The following PARP8 variants were observed in gnomAD, a reference collection of about 807,000 sequenced individuals.
The protein encoded by PARP8 is protein mono-ADP-ribosyltransferase PARP8.
Under a neutral mutation model 124.1 loss-of-function variants are expected in PARP8, and 51 were observed. That is an observed-to-expected ratio of 0.41 (90% CI 0.33 to 0.52). The LOEUF is 0.52. PARP8 is among the 20% of genes least tolerant of loss of function. PARP8 has a pLI of 0.21. For missense variants in PARP8, 860 were observed against 1,018.9 expected (o/e 0.84, Z 2.12); for synonymous variants, 391 against 361.5 (o/e 1.08, Z -0.93).
At chr5:50,807,767 G>A (rs770272178) in intron 14 of PARP8, among the ~76,000 whole-genome samples, 2 of 151,968 alleles carry the variant, frequency 1.3e-5, no homozygotes, top group African/African-American at 2.4e-5. Context: ...CTTGGCAATC[G>A]TTCTATGTGT....
chr5:50,815,123 T>C (rs2149689299), intron 14 of PARP8, among the ~76,000 whole-genome samples: 1 of 152,258 alleles, frequency 6.6e-6, no homozygotes, highest in African/African-American at 2.4e-5. Flanking sequence ...CATGTGCAAA[T>C]GTGTATGAAA....
chr5:50,728,887 A>G (rs889244359), intron 2 of PARP8, among the ~76,000 whole-genome samples: 18 of 152,088 alleles, frequency 1.2e-4, no homozygotes, highest in African/African-American at 4.3e-4. Context: ...ATATATATGT[A>G]CCTGAAAAAT....
chr5:50,781,751 C>A (rs539388834), intron 9 of PARP8, among the ~76,000 whole-genome samples: 4 of 152,112 alleles, frequency 2.6e-5, no homozygotes, highest in Non-Finnish European at 5.9e-5. Context: ...CTTCAGGTGT[C>A]ACTAGTGTGA....
rs1052885197 is a variant in PARP8 at position 50,667,617 on chromosome 5, C to A, written c.91+431C>A. 4.3e-6 allele frequency: 3 copies of A among 698,920 alleles called. No individual in the cohort carries two copies. In the African/African-American group the frequency reaches 5.3e-5, roughly 12 times the overall value. 43.3% of individuals were successfully genotyped at this position (698,920 alleles called of 1,614,324 possible). A position where few individuals can be genotyped will look rare whatever the true frequency, so the allele number is the denominator to read the frequency against. On this transcript the variant is annotated intron_variant, in intron 1 of 25. Coordinates refer to ENST00000281631, the MANE Select transcript of PARP8 (RefSeq NM_024615.4). ...CGCTGCGCTTGTAAGCTGCGCCCGG[C>A]GCCGAGGACCCCCGGGGGGCAGCGC...
At chr5:50,800,756 ATTT>A (rs201684004) in intron 14 of PARP8, among the ~76,000 whole-genome samples, 2 of 137,348 alleles carry the variant, frequency 1.5e-5, no homozygotes, top group African/African-American at 2.7e-5. Flanking sequence ...TCTGTTTTAG[ATTT>A]TTTTTTTTTT....
intron 2 of PARP8, among the ~76,000 whole-genome samples, chr5:50,682,389 C>T (rs1442660030): frequency 1.3e-5 from 2 of 152,008 alleles, no homozygotes; most frequent in Non-Finnish European, 2.9e-5. Context: ...AACATTTTGC[C>T]AAGCTAAATT....
chr5:50,672,934 G>A (rs531607164), intron 2 of PARP8, among the ~76,000 whole-genome samples: 2 of 152,250 alleles, frequency 1.3e-5, no homozygotes, highest in Non-Finnish European at 2.9e-5. Context: ...GATCAGACGT[G>A]CCCACTCCAG....
chr5:50,738,715 T>TAAAA (rs71612375), intron 2 of PARP8, among the ~76,000 whole-genome samples: 2 of 135,530 alleles, frequency 1.5e-5, no homozygotes, highest in Non-Finnish European at 3.1e-5. Flanking sequence ...GCTGATAAGT[T>TAAAA]AAAAAAAAAA....
chr5:50,793,725 G>T (rs1742216615), intron 10 of PARP8, among the ~76,000 whole-genome samples: 1 of 152,194 alleles, frequency 6.6e-6, no homozygotes, highest in South Asian at 2.1e-4. Context: ...TTTTCATGAA[G>T]AAGATATCGA....
At chr5:50,684,322 G>A (rs1032257556) in intron 2 of PARP8, among the ~76,000 whole-genome samples, 1 of 152,052 alleles carries the variant, frequency 6.6e-6, no homozygotes, top group African/African-American at 2.4e-5. Flanking sequence ...CCTGAAATCA[G>A]TAGCCTTTGT....
At chr5:50,696,303 T>A (rs1468521389) in intron 2 of PARP8, among the ~76,000 whole-genome samples, 3 of 152,088 alleles carry the variant, frequency 2.0e-5, no homozygotes, top group South Asian at 4.1e-4. Context: ...AAGCTAAAAG[T>A]TTTATGCTAA....
intron 23 of PARP8, 52 bp downstream of exon 23, chr5:50,832,906 C>A: frequency 2.0e-6 from 3 of 1,521,236 alleles, no homozygotes; most frequent in Non-Finnish European, 2.7e-6. Context: ...GTGGCCTCAT[C>A]AGCCAGCAGA....
At chr5:50,670,857 G>A (rs1249184524) in intron 2 of PARP8, among the ~76,000 whole-genome samples, 1 of 152,182 alleles carries the variant, frequency 6.6e-6, no homozygotes, top group Non-Finnish European at 1.5e-5. Flanking sequence ...AGACATAATT[G>A]AGAGTTACAG....
At chr5:50,771,089 TGTG>T (rs1761577223) in intron 7 of PARP8, among the ~76,000 whole-genome samples, 1 of 151,070 alleles carries the variant, frequency 6.6e-6, no homozygotes, top group African/African-American at 2.4e-5. Context: ...AAAATGGAAA[TGTG>T]CTCTCTCTCT....
chr5:50,713,532 C>T (rs1754995331), intron 2 of PARP8, among the ~76,000 whole-genome samples: 1 of 152,038 alleles, frequency 6.6e-6, no homozygotes, highest in Admixed American at 6.6e-5. Flanking sequence ...TGAACCATCA[C>T]ACCCAGCTAT....
intron 2 of PARP8, among the ~76,000 whole-genome samples, chr5:50,675,431 A>G (rs548069263): frequency 6.6e-6 from 1 of 152,192 alleles, no homozygotes; most frequent in South Asian, 2.1e-4. Context: ...CAGTCTCTCA[A>G]GTAACTGGGA....
At chr5:50,728,750 G>A (rs1385192039) in intron 2 of PARP8, among the ~76,000 whole-genome samples, 1 of 151,994 alleles carries the variant, frequency 6.6e-6, no homozygotes, top group Non-Finnish European at 1.5e-5. Flanking sequence ...CTGTTTTTGA[G>A]TTGATAACTT....
chr5:50,761,993 GTGT>G, intron 6 of PARP8, 95 bp downstream of exon 6: 1 of 678,482 alleles, frequency 1.5e-6, no homozygotes, highest in Non-Finnish European at 2.5e-6. Context: ...AGGGACCTGT[GTGT>G]TGTTCAGGGT....
intron 2 of PARP8, among the ~76,000 whole-genome samples, chr5:50,736,088 A>G (rs1383782476): frequency 6.6e-6 from 1 of 151,958 alleles, no homozygotes; most frequent in Non-Finnish European, 1.5e-5. Context: ...AAAAAATTAG[A>G]AAGAGAAGGC....
Sources: gnomAD v4.1 joint callset for allele counts (sites outside exome capture counted in the v4.1 genomes callset) on GRCh38, gnomAD v4.1.1 for gene constraint, MANE v1.5 for transcripts, NCBI Gene and HGNC (gene_info 2026-07-23, HGNC 2026-07-21) for gene names.